The following ITSN1 variants were observed in gnomAD, a reference collection of about 807,000 sequenced individuals.
ITSN1 encodes the protein intersectin 1.
In ITSN1, 58 loss-of-function variants were observed where a neutral mutation model predicts 239.8. That is an observed-to-expected ratio of 0.24 (90% CI 0.20 to 0.30). The LOEUF (loss-of-function observed/expected upper bound fraction) is 0.30, where lower values mean the gene tolerates loss of function less well. Among genes scored for constraint, ITSN1 ranks in the 10% least tolerant of loss-of-function variants. ITSN1 has a pLI of 1.00. For synonymous variants in ITSN1, 780 were observed against 770.8 expected (o/e 1.01, Z -0.20); for missense variants, 1,558 against 2,103.3 (o/e 0.74, Z 5.07).
chr21:33,858,944 A>T (rs1380894117), intron 31 of ITSN1, 152 bp downstream of exon 31: 3 of 500,142 alleles, frequency 6.0e-6, no homozygotes, highest in African/African-American at 2.0e-5. Flanking sequence ...AAACACCATC[A>T]CCCTTTTGTG....
At chr21:33,699,129 T>C (rs8128460) in intron 1 of ITSN1, among the ~76,000 whole-genome samples, 6,730 of 152,202 alleles carry the variant, frequency 0.044, 503 homozygotes, top group African/African-American at 0.15. Flanking sequence ...TTATATCCTT[T>C]GAGATATTTA....
At chr21:33,781,048 G>T (rs992129290) in intron 14 of ITSN1, among the ~76,000 whole-genome samples, 7 of 152,214 alleles carry the variant, frequency 4.6e-5, no homozygotes, top group African/African-American at 1.7e-4. Context: ...AAGTATCAAA[G>T]TTCAGGATAG....
At chr21:33,745,600 T>G (rs142322942) in intron 5 of ITSN1, among the ~76,000 whole-genome samples, 2 of 152,254 alleles carry the variant, frequency 1.3e-5, no homozygotes, top group Non-Finnish European at 2.9e-5. Context: ...CACTTCAGCT[T>G]GGTAATGTGG....
intron 1 of ITSN1, among the ~76,000 whole-genome samples, chr21:33,670,472 A>G (rs920483781): frequency 5.3e-5 from 8 of 152,006 alleles, no homozygotes; most frequent in African/African-American, 1.9e-4. Context: ...TAGCTTTTTA[A>G]TGAAAATCGC....
rs76827736 is a variant in ITSN1 at position 33,770,528 on chromosome 21, A to G, written c.1043-1533A>G. Among the ~76,000 whole-genome samples, 1,144 of 152,246 alleles carry G rather than the reference A, an allele frequency of 7.5e-3. 15 individuals are homozygous for G. Among genetic ancestry groups the G allele is most frequent in the African/African-American group, 0.026 (1,089 of 41,530 alleles). ...TGCAGCCACAACCTCTCTTGTCCCA[A>G]GATACTTTCCTCACCTCACAACAAA... On this transcript the variant is annotated intron_variant, in intron 11 of 39. Transcript: ENST00000381318.
rs1269793562 is a variant in ITSN1 at position 33,750,239 on chromosome 21, C to T, written c.443C>T (p.Ser148Phe). The T allele has an allele frequency of 6.2e-7, 1 of 1,614,044 alleles. No individual in the cohort carries two copies. Among genetic ancestry groups the T allele is most frequent in the African/African-American group, 1.3e-5 (1 of 74,932 alleles). ...PVVGMSPTLV[S>F]SVPTAAVPPL... ...GTTGGAATGTCTCCAACCCTAGTAT[C>T]TTCTGTTCCCACAGCAGCTGTGCCC... The change falls in exon 6 of 40, where the codon TCT becomes TTT. Residue 148 changes from serine to phenylalanine, a missense_variant. Ser to Phe is a radical substitution (Grantham distance 155). Around this residue, in one of 2 missense-constraint regions of ITSN1, gnomAD observed 982 missense variants for 1,209.9 expected, o/e 0.81. Coordinates refer to ENST00000381318, the MANE Select transcript of ITSN1 (RefSeq NM_003024.3).
At chr21:33,819,416 G>A (rs189764961) in intron 24 of ITSN1, 93 bp downstream of exon 24, 9 of 868,474 alleles carry the variant, frequency 1.0e-5, no homozygotes, top group East Asian at 5.0e-5. Flanking sequence ...AAGATAGACT[G>A]CATTTATGAT....
intron 39 of ITSN1, 102 bp downstream of exon 39, chr21:33,886,562 T>A: frequency 9.2e-7 from 1 of 1,083,138 alleles, no homozygotes; most frequent in Non-Finnish European, 1.3e-6. Flanking sequence ...ATTCCTTCGG[T>A]TTCCCTCCTG....
rs538052575 is a variant in ITSN1, at chr21:33,758,185, A to G, written c.724+2788A>G. On this transcript the variant is annotated intron_variant, in intron 8 of 39. Coordinates refer to ENST00000381318, the MANE Select transcript of ITSN1 (RefSeq NM_003024.3). ...GGCACCCAGGCTGAAGTACAGTGACATAATCATGGTTCACTGCTGCCTGGA... is the reference window on the plus strand; with the variant it reads ...GGCACCCAGGCTGAAGTACAGTGACGTAATCATGGTTCACTGCTGCCTGGA... Among the ~76,000 whole-genome samples, 174 of 152,312 alleles carry G rather than the reference A, an allele frequency of 1.1e-3. 4 individuals are homozygous for G. The highest frequency in any genetic ancestry group is 5.2e-3 in the South Asian group (25 of 4,824).
intron 29 of ITSN1, among the ~76,000 whole-genome samples, chr21:33,844,712 G>A (rs1321715030): frequency 1.3e-5 from 2 of 152,034 alleles, no homozygotes; most frequent in Non-Finnish European, 2.9e-5. Context: ...AGGAGAGCGA[G>A]CCTGCAGTCC....
chr21:33,834,141 A>G (rs576493525), intron 27 of ITSN1, among the ~76,000 whole-genome samples, 166 bp from the exon 28 acceptor site: 73 of 152,318 alleles, frequency 4.8e-4, no homozygotes, highest in Middle Eastern at 3.4e-3. Flanking sequence ...TTGAATTTTT[A>G]GCTATGGTGT....
At chr21:33,792,176 G>A (rs887071438) in intron 16 of ITSN1, among the ~76,000 whole-genome samples, 3 of 152,008 alleles carry the variant, frequency 2.0e-5, no homozygotes, top group Non-Finnish European at 4.4e-5. Flanking sequence ...TTAGAATCCT[G>A]GTTTCTTGAT....
intron 7 of ITSN1, 126 bp from the exon 8 acceptor site, chr21:33,755,171 A>C: frequency 3.9e-6 from 2 of 509,138 alleles, no homozygotes; most frequent in Non-Finnish European, 6.9e-6. Flanking sequence ...GTGATAATAA[A>C]ATGAATAAAA....
At chr21:33,759,243 C>G (rs2068125411) in intron 8 of ITSN1, among the ~76,000 whole-genome samples, 1 of 152,186 alleles carries the variant, frequency 6.6e-6, no homozygotes. Flanking sequence ...GGCAGTGGGC[C>G]AGATCTGGCC....
chr21:33,878,472 G>A (rs951600343), intron 34 of ITSN1, among the ~76,000 whole-genome samples: 2 of 152,098 alleles, frequency 1.3e-5, no homozygotes, highest in Non-Finnish European at 2.9e-5. Context: ...ATACATGCAT[G>A]TATGCACACA....
intron 28 of ITSN1, among the ~76,000 whole-genome samples, chr21:33,835,037 T>G (rs751253379): frequency 2.6e-5 from 4 of 152,086 alleles, no homozygotes; most frequent in Non-Finnish European, 5.9e-5. Flanking sequence ...CTGAGAGAGG[T>G]GAGGTCAGGG....
chr21:33,823,338 C>T (rs772307143), intron 24 of ITSN1, 149 bp from the exon 25 acceptor site: 30 of 666,770 alleles, frequency 4.5e-5, no homozygotes, highest in Non-Finnish European at 6.6e-5. Context: ...CCAGGGCATT[C>T]TGCAGCTCTG....
chr21:33,697,527 TATTA>T (rs1279151113), intron 1 of ITSN1, among the ~76,000 whole-genome samples: 2 of 152,152 alleles, frequency 1.3e-5, no homozygotes, highest in Non-Finnish European at 2.9e-5. Context: ...TTTCATCACT[TATTA>T]ATTTATATTT....
At chr21:33,697,210 G>A (rs981751422) in intron 1 of ITSN1, among the ~76,000 whole-genome samples, 24 of 149,790 alleles carry the variant, frequency 1.6e-4, no homozygotes, top group African/African-American at 5.4e-4. Flanking sequence ...AGCCTCCCGA[G>A]GCATACACGA....
Sources: allele counts gnomAD v4.1 joint callset (sites outside exome capture counted in the v4.1 genomes callset), GRCh38; gene constraint gnomAD v4.1.1; regional missense constraint gnomAD v4.1.1; transcripts MANE v1.5; gene names NCBI Gene and HGNC (gene_info 2026-07-23, HGNC 2026-07-21).